The following MYO9A variants were observed in gnomAD, a reference collection of about 807,000 sequenced individuals.
The protein encoded by MYO9A is myosin IXA, also known as unconventional myosin-IXa.
Under a neutral mutation model 293.3 loss-of-function variants are expected in MYO9A, and 103 were observed. The observed-to-expected ratio is 0.35, with a 90% CI of 0.30 to 0.41. MYO9A has a LOEUF of 0.41. Ranked by LOEUF, MYO9A falls within the 10% of genes least tolerant of loss-of-function variation. The pLI is 1.00. For synonymous variants in MYO9A, 1,001 were observed against 1,035.7 expected, an observed-to-expected ratio of 0.97 and a Z score of 0.64; for missense variants, 2,685 against 3,033.0, an observed-to-expected ratio of 0.89 and a Z score of 2.69.
At chr15:72,092,249 C>T (rs1235105678) in intron 1 of MYO9A, among the ~76,000 whole-genome samples, 1 of 152,100 alleles carries the variant, frequency 6.6e-6, no homozygotes, top group Non-Finnish European at 1.5e-5. Context: ...ATGGCTGGAA[C>T]CAGTAAAATG....
intron 37 of MYO9A, among the ~76,000 whole-genome samples, chr15:71,850,891 C>G (rs1288138368): frequency 1.3e-5 from 2 of 150,912 alleles, no homozygotes; most frequent in Non-Finnish European, 2.9e-5. Flanking sequence ...AGACACTACT[C>G]CTGACGCCTC....
chr15:71,946,332 G>T (rs2058917772), intron 15 of MYO9A, among the ~76,000 whole-genome samples: 1 of 152,076 alleles, frequency 6.6e-6, no homozygotes, highest in Non-Finnish European at 1.5e-5. Flanking sequence ...CGTGTGGGGG[G>T]AAAATTTTAG....
At chr15:72,030,970 C>T (rs541916408) in intron 3 of MYO9A, among the ~76,000 whole-genome samples, 1 of 152,308 alleles carries the variant, frequency 6.6e-6, no homozygotes, top group South Asian at 2.1e-4. Flanking sequence ...CGGCCAGCAA[C>T]TGAGCAAAGC....
chr15:71,850,057 T>C lies in MYO9A; in HGVS notation c.6692A>G (p.Gln2231Arg), dbSNP rs1169188718. Residue 2231 changes from glutamine (Q) to arginine (R), a missense_variant, in exon 38 of 42, where the codon CAG becomes CGG. Physicochemically the swap from Gln to Arg is conservative, Grantham distance 43. Coordinates refer to ENST00000356056, the MANE Select transcript of MYO9A (RefSeq NM_006901.4). ...PDTTDPLQSV[Q>R]DISKTTTCVE... is the part of the protein sequence containing the mutation. ...TTACGTGGTAGTCTTACTGATGTCC[T>C]GTACACTTTGTAGTGGGTCAGTGGT... 4 of 1,613,924 alleles carry C rather than the reference T, an allele frequency of 2.5e-6. No homozygotes were observed. The highest frequency in any genetic ancestry group is 3.4e-6 in the Non-Finnish European group (4 of 1,179,924).
At chr15:71,828,983 C>A (rs1419999845) in intron 40 of MYO9A, among the ~76,000 whole-genome samples, 1 of 152,154 alleles carries the variant, frequency 6.6e-6, no homozygotes, top group African/African-American at 2.4e-5. Flanking sequence ...GGCTTGAGAT[C>A]CATGAACAAT....
At chr15:71,849,914 C>T (rs1430665338) in intron 38 of MYO9A, 122 bp downstream of exon 38, 4 of 1,255,118 alleles carry the variant, frequency 3.2e-6, no homozygotes, top group Non-Finnish European at 4.5e-6. Context: ...CAGCAGTGTC[C>T]AACAATCTTC....
chr15:71,951,850 A>T lies in MYO9A; in HGVS notation c.2229T>A (p.Ser743Arg). 1 of 1,612,946 alleles carries T rather than the reference A, an allele frequency of 6.2e-7. No homozygotes were observed. Among genetic ancestry groups the T allele is most frequent in the Non-Finnish European group, 8.5e-7 (1 of 1,179,590 alleles). Residue 743 changes from serine (S) to arginine (R), a missense_variant, in exon 15 of 42, where the codon AGT (serine) becomes AGA (arginine). Ser to Arg is a moderately radical substitution (Grantham distance 110). This residue lies in a region of MYO9A where 1,434 missense variants were observed against 1,497.7 expected (regional missense o/e 0.96). Transcript: ENST00000356056. ...APCAILKSMD[S>R]FSFLQHPVHQ... ...GGACTGGGTGTTGGAGAAAGCTAAA[A>T]CTATCCATACTTTTCAAAATTGCAC...
intron 1 of MYO9A, among the ~76,000 whole-genome samples, chr15:72,077,008 A>G (rs908350668): frequency 4.3e-5 from 6 of 139,348 alleles, no homozygotes; most frequent in Non-Finnish European, 7.9e-5. Context: ...GGTGCTGGAA[A>G]AACTAGACAA....
chr15:71,906,761 T>TCTTTTTTTC (rs915669108), intron 19 of MYO9A, among the ~76,000 whole-genome samples: 2 of 103,602 alleles, frequency 1.9e-5, no homozygotes, highest in Non-Finnish European at 4.1e-5. Context: ...TTTCTTTCTT[T>TCTTTTTTTC]TTTTTTTTTT....
At chr15:71,837,626 A>C (rs1316316437) in intron 39 of MYO9A, among the ~76,000 whole-genome samples, 4 of 152,086 alleles carry the variant, frequency 2.6e-5, no homozygotes, top group African/African-American at 9.6e-5. Flanking sequence ...AAATCTTTTA[A>C]TATGGCTAAA....
At chr15:72,003,703 C>CAAA (rs397738256) in intron 8 of MYO9A, among the ~76,000 whole-genome samples, 104 of 86,500 alleles carry the variant, frequency 1.2e-3, no homozygotes, top group Middle Eastern at 6.5e-3. Flanking sequence ...GACTCCGTCT[C>CAAA]AAAAAAAAAA....
At chr15:72,075,114 G>A (rs1037359736) in intron 1 of MYO9A, among the ~76,000 whole-genome samples, 4 of 151,738 alleles carry the variant, frequency 2.6e-5, no homozygotes, top group African/African-American at 4.8e-5. Context: ...ATAGGTATGC[G>A]CCACCACGCC....
rs1188363883 is a variant in MYO9A, at chr15:71,964,646, G to T, written c.1986+3338C>A. Among the ~76,000 whole-genome samples, 6 of 151,690 alleles carry T rather than the reference G, an allele frequency of 4.0e-5. No individual in the cohort carries two copies. In the East Asian group the frequency reaches 1.2e-3, roughly 29 times the overall value. On this transcript the variant is annotated intron_variant, in intron 13 of 41. Coordinates refer to ENST00000356056, the MANE Select transcript of MYO9A (RefSeq NM_006901.4). ...AAAAAAAAAAAAAAAAATTAGCTGG[G>T]CGTGGTGGCATGTGCCTGTAGTCCC... is the stretch of plus-strand genomic sequence containing the variant.
chr15:72,028,317 G>A (rs745449087), intron 3 of MYO9A, among the ~76,000 whole-genome samples: 5 of 149,250 alleles, frequency 3.4e-5, no homozygotes, highest in Non-Finnish European at 5.9e-5. Flanking sequence ...ATATGGTCAC[G>A]AGTCTTTTTT....
chr15:72,053,315 A>G (rs1170400543), intron 1 of MYO9A, among the ~76,000 whole-genome samples: 1 of 152,076 alleles, frequency 6.6e-6, no homozygotes, highest in African/African-American at 2.4e-5. Flanking sequence ...CTGAGGCAGG[A>G]GAATCGCTTG....
At position 71,826,807 on chromosome 15, in the gene MYO9A, G is replaced by C; in HGVS notation, c.7420C>G (p.Pro2474Ala). The C allele has an allele frequency of 6.2e-7, 1 of 1,614,120 alleles. No individual in the cohort carries two copies. The highest frequency in any genetic ancestry group is 1.7e-5 in the Admixed American group (1 of 60,018). Reference protein sequence around the residue: ...SGNEALGMEGPLGQTKFLEDK... With the variant: ...SGNEALGMEGALGQTKFLEDK... ...TCCAGGAATTTGGTCTGGCCCAATG[G>C]TCCTTCCATTCCCAGGGCCTCATTA... The change falls in exon 42 of 42, where the codon CCA becomes GCA. Residue 2474 changes from proline to alanine, a missense_variant. Pro to Ala is a conservative substitution (Grantham distance 27). Transcript: ENST00000356056.
rs1017101174 is a variant in MYO9A, at chr15:72,117,817, G to A, written c.-209C>T. 7 of 398,468 alleles carry A rather than the reference G, an allele frequency of 1.8e-5. No homozygotes were observed. The highest frequency in any genetic ancestry group is 2.7e-5 in the Non-Finnish European group (6 of 225,772). The allele number at this position is 398,468 out of a possible 1,614,324, so 24.7% of individuals were successfully genotyped here. A position where few individuals can be genotyped will look rare whatever the true frequency, so the allele number is the denominator to read the frequency against. ...GGGTCGGACGGTTCCGGGAGGGTGG[G>A]CCCAGCAGCCTCAGGGTCCGGGCGA... On this transcript the variant is annotated 5_prime_UTR_variant, in exon 1 of 42. Coordinates refer to ENST00000356056, the MANE Select transcript of MYO9A (RefSeq NM_006901.4).
intron 10 of MYO9A, among the ~76,000 whole-genome samples, chr15:71,992,355 G>T (rs980682087): frequency 1.3e-5 from 2 of 152,132 alleles, no homozygotes. Flanking sequence ...TAGAAATACA[G>T]TTGTATGACA....
At chr15:71,847,767 T>TTAGA (rs2055454042) in intron 39 of MYO9A, among the ~76,000 whole-genome samples, 1 of 152,202 alleles carries the variant, frequency 6.6e-6, no homozygotes, top group Non-Finnish European at 1.5e-5. Context: ...GGGAAAAGAT[T>TTAGA]TAGATAGTAT....
Sources: allele counts gnomAD v4.1 joint callset (sites outside exome capture counted in the v4.1 genomes callset), GRCh38; gene constraint gnomAD v4.1.1; regional missense constraint gnomAD v4.1.1; transcripts MANE v1.5; gene names NCBI Gene and HGNC (gene_info 2026-07-23, HGNC 2026-07-21).